Variants in MMEL1 observed in about 807,000 individuals in gnomAD.
The protein encoded by MMEL1 is membrane metalloendopeptidase like 1, also known as membrane metallo-endopeptidase-like 1.
MMEL1 carries 98 observed loss-of-function variants against 117.1 expected under a neutral mutation model. That is an observed-to-expected ratio of 0.84 (90% CI 0.71 to 0.99). The LOEUF (loss-of-function observed/expected upper bound fraction) is 0.99, where lower values mean the gene tolerates loss of function less well. Among genes scored for constraint, MMEL1 ranks in the 50% least tolerant of loss-of-function variants. The probability of loss-of-function intolerance (pLI) is 0.00; values close to 1 mark genes in which losing one functional copy is unlikely to be tolerated. For synonymous variants in MMEL1, 390 were observed against 415.1 expected (o/e 0.94, Z 0.74); for missense variants, 1,014 against 1,049.1 (o/e 0.97, Z 0.46).
intron 7 of MMEL1, among the ~76,000 whole-genome samples, 168 bp from the exon 8 acceptor site, chr1:2,606,534 C>A (rs1261710675): frequency 2.6e-5 from 4 of 152,166 alleles, no homozygotes; most frequent in Non-Finnish European, 4.4e-5. Flanking sequence ...TCCCTAACAG[C>A]CCAGGAGCCA....
intron 3 of MMEL1, 163 bp from the exon 4 acceptor site, chr1:2,611,503 G>C: frequency 1.9e-6 from 1 of 515,240 alleles, no homozygotes; most frequent in South Asian, 2.5e-5. Context: ...GCTGAAGCCA[G>C]TAGGGCAAGG....
chr1:2,592,796 G>A (rs1644760078), intron 20 of MMEL1, 37 bp downstream of exon 20: 1 of 1,612,088 alleles, frequency 6.2e-7, no homozygotes, highest in Non-Finnish European at 8.5e-7. Flanking sequence ...TGGGGCTCCG[G>A]TACCCCCGCA....
Position 2,592,622 on chromosome 1 carries a change from C to T in MMEL1, c.2067+33G>A, listed in dbSNP as rs536280138. On this transcript the variant is annotated intron_variant, in intron 21 of 23. Transcript: ENST00000378412. ...GCCGCGCTGACGCCCCCTCCCCTGCCGCGCTGACGCCCCCTCCCCTGCCAG... is the reference window on the plus strand; with the variant it reads ...GCCGCGCTGACGCCCCCTCCCCTGCTGCGCTGACGCCCCCTCCCCTGCCAG... The T allele has an allele frequency of 3.8e-5, 54 of 1,414,378 alleles. No homozygotes were observed. The East Asian group carries it at 6.2e-4, about 16-fold the overall frequency. 87.6% of individuals were successfully genotyped at this position (1,414,378 alleles called of 1,614,324 possible).
chr1:2,628,403 G>A (rs1638371836), intron 2 of MMEL1, among the ~76,000 whole-genome samples: 1 of 152,254 alleles, frequency 6.6e-6, no homozygotes, highest in Non-Finnish European at 1.5e-5. Flanking sequence ...CAGACATGAG[G>A]GGGCATTCTA....
chr1:2,624,294 G>A (rs1172445477), intron 2 of MMEL1, among the ~76,000 whole-genome samples: 4 of 152,214 alleles, frequency 2.6e-5, no homozygotes, highest in Admixed American at 2.0e-4. Context: ...TCCCCGGGCT[G>A]ACTTCTCTAA....
chr1:2,629,526 A>G lies in MMEL1; in HGVS notation c.-37-5T>C. 2 of 1,433,376 alleles carry G rather than the reference A, an allele frequency of 1.4e-6. No individual in the cohort carries two copies. The highest frequency in any genetic ancestry group is 9.2e-7 in the Non-Finnish European group (1 of 1,091,478). 88.8% of individuals were successfully genotyped at this position (1,433,376 alleles called of 1,614,324 possible). Reference sequence around the variant, plus strand: ...GGGAGAGCACCGCGGAGGAACCTGCAGGCCCAGGGCAGGGGAGAGGGGAGA... The same window carrying G: ...GGGAGAGCACCGCGGAGGAACCTGCGGGCCCAGGGCAGGGGAGAGGGGAGA... On this transcript the variant is annotated splice_region_variant and splice_polypyrimidine_tract_variant and intron_variant, in intron 1 of 23. Coordinates refer to ENST00000378412, the MANE Select transcript of MMEL1 (RefSeq NM_033467.4).
intron 2 of MMEL1, among the ~76,000 whole-genome samples, chr1:2,614,090 T>C (rs543934616): frequency 3.3e-5 from 5 of 152,208 alleles, no homozygotes; most frequent in Non-Finnish European, 7.3e-5. Flanking sequence ...TTCTGTACGA[T>C]ACTGTGGTGG....
At chr1:2,617,599 C>A (rs915769225) in intron 2 of MMEL1, among the ~76,000 whole-genome samples, 1 of 151,790 alleles carries the variant, frequency 6.6e-6, no homozygotes, top group Non-Finnish European at 1.5e-5. Context: ...GATTCTATCT[C>A]AAAAAAAAGA....
intron 1 of MMEL1, 34 bp from the exon 2 acceptor site, chr1:2,629,555 G>C: frequency 7.2e-7 from 1 of 1,383,230 alleles, no homozygotes; most frequent in Non-Finnish European, 9.3e-7. Flanking sequence ...GGGGAGAGGG[G>C]CGTGGAGCTC....
In MMEL1 at chr1:2,590,967, CGCACA is replaced by C; in HGVS notation, c.*18_*22del. 1.3e-6 allele frequency: 2 copies of C among 1,513,886 alleles called. No homozygotes were observed. Among genetic ancestry groups the C allele is most frequent in the South Asian group, 1.3e-5 (1 of 76,500 alleles). 93.8% of individuals were successfully genotyped at this position (1,513,886 alleles called of 1,614,324 possible). A position where few individuals can be genotyped will look rare whatever the true frequency, so the allele number is the denominator to read the frequency against. ...CTCCGAGCAGCGGGTGGGCGTGGGC[CGCACA>C]GCGCGGCAGGGCCTTGGCTACCACA... On this transcript the variant is annotated 3_prime_UTR_variant, in exon 24 of 24. Coordinates refer to ENST00000378412, the MANE Select transcript of MMEL1 (RefSeq NM_033467.4).
chr1:2,592,955 C>A lies in MMEL1; in HGVS notation c.1879G>T (p.Asp627Tyr). 3 of 1,613,488 alleles carry A rather than the reference C, an allele frequency of 1.9e-6. No homozygotes were observed. The highest frequency in any genetic ancestry group is 2.5e-6 in the Non-Finnish European group (3 of 1,179,912). The stretch of plus-strand genomic sequence containing the variant: ...CAATCCATCATGTTGCCATTCTTGT[C>A]GAAGTTCCGGCCTGGGCAGGGGCAG... Reference protein sequence around the residue: ...HGFDDNGRNFDKNGNMMDWWS... With the variant: ...HGFDDNGRNFYKNGNMMDWWS... Residue 627 changes from aspartate to tyrosine, a missense_variant, in exon 20 of 24, where the codon GAC becomes TAC. Coordinates refer to ENST00000378412, the MANE Select transcript of MMEL1 (RefSeq NM_033467.4).
At position 2,612,093 on chromosome 1, in the gene MMEL1, C is replaced by T. The variant is rs542779390; in HGVS notation, c.232+34G>A. On this transcript the variant is annotated intron_variant, in intron 3 of 23. Coordinates refer to ENST00000378412, the MANE Select transcript of MMEL1 (RefSeq NM_033467.4). The surrounding 1 kb of genome is among the most constrained non-coding windows in gnomAD (Gnocchi z 5.4). ...CCTTGGGAGGCCAGCGCCCACCTGC[C>T]TGGGGCTGTTTTGGAAGGGAAGGCA... 6.5e-7 allele frequency: 1 copy of T among 1,546,682 alleles called. No homozygotes were observed. The highest frequency in any genetic ancestry group is 1.2e-5 in the South Asian group (1 of 84,574).
Position 2,594,433 on chromosome 1 carries a change from C to T in MMEL1, c.1699G>A (p.Gly567Arg), listed in dbSNP as rs900832468. Residue 567 changes from glycine (G) to arginine (R), a missense_variant, in exon 18 of 24, where the codon GGG becomes AGG. Transcript: ENST00000378412. ...EKVDPNLWII[G>R]AAVVNAFYSP... ...TAGAACGCATTGACCACCGCCGCCC[C>T]GATGATCCAGCTGTGATAGACAAGC... 11 of 1,551,388 alleles carry T rather than the reference C, an allele frequency of 7.1e-6. No homozygotes were observed. In the East Asian group the frequency reaches 9.8e-5, roughly 14 times the overall value.
chr1:2,632,478 T>C (rs1249685088), intron 1 of MMEL1: 2 of 152,602 alleles, frequency 1.3e-5, no homozygotes. Context: ...TGCTCCTGCG[T>C]CCTGAATTCA....
In MMEL1 at chr1:2,590,889, G is replaced by T; in HGVS notation, c.*101C>A. The stretch of plus-strand genomic sequence containing the variant: ...CTGGCAGGCAGGCTTGGCATGGTTG[G>T]CCGGGGCGGGACGTACACTGGGTCG... On this transcript the variant is annotated 3_prime_UTR_variant, in exon 24 of 24. Coordinates refer to ENST00000378412, the MANE Select transcript of MMEL1 (RefSeq NM_033467.4). The T allele has an allele frequency of 2.1e-6, 2 of 947,914 alleles. No homozygotes were observed. Among genetic ancestry groups the T allele is most frequent in the Non-Finnish European group, 2.9e-6 (2 of 700,312 alleles). The allele number at this position is 947,914 out of a possible 1,614,324, so 58.7% of individuals were successfully genotyped here.
chr1:2,601,882 C>T (rs938439817), intron 11 of MMEL1, among the ~76,000 whole-genome samples: 7 of 152,362 alleles, frequency 4.6e-5, no homozygotes, highest in South Asian at 4.1e-4. Context: ...CGGCTGAGAA[C>T]GGACACCACC....
intron 2 of MMEL1, among the ~76,000 whole-genome samples, chr1:2,626,087 A>G (rs1324265321): frequency 6.6e-6 from 1 of 152,230 alleles, no homozygotes; most frequent in Non-Finnish European, 1.5e-5. Context: ...CAGAACTTCA[A>G]GCAGCGTACC....
Position 2,606,124 on chromosome 1 carries a change from G to A in MMEL1, c.750+124C>T, listed in dbSNP as rs575773787. 122 of 741,630 alleles carry A rather than the reference G, an allele frequency of 1.6e-4. 1 individual carries two copies. In the African/African-American group the frequency reaches 1.9e-3, roughly 12 times the overall value. 45.9% of individuals were successfully genotyped at this position (741,630 alleles called of 1,614,324 possible). A position where few individuals can be genotyped will look rare whatever the true frequency, so the allele number is the denominator to read the frequency against. On this transcript the variant is annotated intron_variant, in intron 8 of 23. Coordinates refer to ENST00000378412, the MANE Select transcript of MMEL1 (RefSeq NM_033467.4). ...GCCCACGGACGTGGACAGGAGCCAG[G>A]AGCCCAGGTCCCAGGAGACCCCGGA...
At position 2,609,652 on chromosome 1, in the gene MMEL1, C is replaced by T; in HGVS notation, c.454+18G>A. 1 of 1,597,448 alleles carries T rather than the reference C, an allele frequency of 6.3e-7. No individual in the cohort carries two copies. Among genetic ancestry groups the T allele is most frequent in the Non-Finnish European group, 8.5e-7 (1 of 1,171,094 alleles). ...TGTTCGGCGTCACCCCACTGCACCC[C>T]CGGCCGTGCTCTGCCACCTTTGAGG... On this transcript the variant is annotated intron_variant, in intron 5 of 23. Transcript: ENST00000378412.
Sources: gnomAD v4.1 joint callset for allele counts (sites outside exome capture counted in the v4.1 genomes callset) on GRCh38, gnomAD v4.1.1 for gene constraint, Gnocchi (gnomAD v3.1) non-coding constraint, MANE v1.5 for transcripts, NCBI Gene and HGNC (gene_info 2026-07-23, HGNC 2026-07-21) for gene names.